The following GCC2 variants were observed in gnomAD, a reference collection of about 807,000 sequenced individuals.
GCC2 encodes the protein GRIP and coiled-coil domain-containing protein 2.
A neutral mutation model predicts 210.6 loss-of-function variants in GCC2; 120 were observed. That is an observed-to-expected ratio of 0.57 (90% CI 0.49 to 0.66). The LOEUF is 0.66. Among genes scored for constraint, GCC2 ranks in the 30% least tolerant of loss-of-function variants. The pLI is 0.00. For synonymous variants in GCC2, 703 were observed against 652.7 expected, an observed-to-expected ratio of 1.08 and a Z score of -1.17; for missense variants, 1,868 against 1,871.9, an observed-to-expected ratio of 1.00 and a Z score of 0.04.
At chr2:108,501,077 C>T (rs1682902998) in intron 22 of GCC2, among the ~76,000 whole-genome samples, 1 of 151,996 alleles carries the variant, frequency 6.6e-6, no homozygotes, top group Admixed American at 6.5e-5. Context: ...CTCACTGCAA[C>T]CTCCGCCTCC....
rs1681183030 is a variant in GCC2, at chr2:108,470,996, A to C, written c.1667A>C (p.Glu556Ala). The change falls in exon 6 of 23, where the codon GAA (glutamate) becomes GCA (alanine). Residue 556 changes from glutamate to alanine, a missense_variant. Physicochemically the swap from Glu to Ala is moderately radical, Grantham distance 107. Transcript: ENST00000309863. ...KLLSQQELVP[E>A]LENTIKNLQE... ...CTATCTCAACAAGAATTGGTACCAG[A>C]ACTTGAAAATACCATAAAGAACCTT... The C allele has an allele frequency of 6.2e-7, 1 of 1,613,286 alleles. No homozygotes were observed. Among genetic ancestry groups the C allele is most frequent in the South Asian group, 1.1e-5 (1 of 91,022 alleles).
chr2:108,472,337 T>C (rs1013537783), intron 6 of GCC2, among the ~76,000 whole-genome samples: 2 of 152,152 alleles, frequency 1.3e-5, no homozygotes, highest in Non-Finnish European at 2.9e-5. Context: ...CTTGAGTTTA[T>C]AGAAGATTAA....
At chr2:108,456,321 T>A (rs981913418) in intron 4 of GCC2, among the ~76,000 whole-genome samples, 3 of 152,164 alleles carry the variant, frequency 2.0e-5, no homozygotes, top group African/African-American at 7.2e-5. Context: ...GTGACTATGC[T>A]TACCTACACT....
chr2:108,473,200 G>A (rs1173652629), intron 7 of GCC2: 3 of 258,516 alleles, frequency 1.2e-5, no homozygotes, highest in African/African-American at 2.3e-5. Flanking sequence ...TCTAGACCCT[G>A]GTGATAGAAA....
chr2:108,449,990 A>G (rs1412298206), intron 2 of GCC2: 2 of 325,954 alleles, frequency 6.1e-6, no homozygotes, highest in South Asian at 5.0e-5. Flanking sequence ...GAGCAGTGAC[A>G]TAGGGTAGGA....
At chr2:108,486,342 T>G (rs1179725729) in intron 15 of GCC2, 169 bp from the exon 16 acceptor site, 7 of 672,356 alleles carry the variant, frequency 1.0e-5, no homozygotes, top group Non-Finnish European at 1.8e-5. Flanking sequence ...ACTTAGAAAA[T>G]GTTCTACTTG....
intron 4 of GCC2, among the ~76,000 whole-genome samples, chr2:108,467,623 T>G (rs1680973430): frequency 6.6e-6 from 1 of 152,086 alleles, no homozygotes; most frequent in Non-Finnish European, 1.5e-5. Flanking sequence ...AAGCTTTATT[T>G]TACAGGCTAG....
At chr2:108,501,089 A>G (rs373675294) in intron 22 of GCC2, among the ~76,000 whole-genome samples, 176 of 151,950 alleles carry the variant, frequency 1.2e-3, no homozygotes, top group African/African-American at 1.5e-3. Flanking sequence ...TCCGCCTCCC[A>G]GATTCAAGCG....
chr2:108,483,356 C>T (rs1027638556), intron 12 of GCC2, among the ~76,000 whole-genome samples, 190 bp downstream of exon 12: 5 of 151,830 alleles, frequency 3.3e-5, no homozygotes, highest in African/African-American at 1.2e-4. Flanking sequence ...TCCAAGTAGC[C>T]GAGATTCCAC....
intron 22 of GCC2, among the ~76,000 whole-genome samples, chr2:108,501,608 C>G (rs1367776180): frequency 2.6e-5 from 4 of 151,718 alleles, no homozygotes; most frequent in Admixed American, 6.6e-5. Context: ...CCCTGTAAAC[C>G]CTAATAACTA....
chr2:108,491,557 A>G (rs957574593), intron 18 of GCC2, among the ~76,000 whole-genome samples: 1 of 152,106 alleles, frequency 6.6e-6, no homozygotes, highest in Non-Finnish European at 1.5e-5. Flanking sequence ...GAAACCTTGT[A>G]TGGTGCGCAT....
chr2:108,493,710 T>C (rs1427448497), intron 19 of GCC2: 2 of 985,444 alleles, frequency 2.0e-6, no homozygotes, highest in African/African-American at 3.5e-5. Flanking sequence ...ATATTGTCAC[T>C]GGAGCATTAG....
At chr2:108,480,495 C>T (rs1328757387) in intron 9 of GCC2, among the ~76,000 whole-genome samples, 1 of 152,150 alleles carries the variant, frequency 6.6e-6, no homozygotes, top group Middle Eastern at 3.2e-3. Flanking sequence ...GACGTGGAAT[C>T]AACCGAAAGG....
At chr2:108,467,301 T>C (rs1680953168) in intron 4 of GCC2, among the ~76,000 whole-genome samples, 1 of 152,234 alleles carries the variant, frequency 6.6e-6, no homozygotes, top group African/African-American at 2.4e-5. Context: ...TTTGTAATTA[T>C]ATTTTCTAAA....
At chr2:108,498,085 A>G (rs1397325913) in intron 21 of GCC2, among the ~76,000 whole-genome samples, 1 of 151,972 alleles carries the variant, frequency 6.6e-6, no homozygotes. Flanking sequence ...ATGCATCTCT[A>G]TAAAATAACA....
intron 9 of GCC2, among the ~76,000 whole-genome samples, chr2:108,476,246 G>C (rs1039494386): frequency 6.6e-6 from 1 of 151,820 alleles, no homozygotes; most frequent in African/African-American, 2.4e-5. Context: ...TTTTAGTAGA[G>C]ACGGGGTTTC....
chr2:108,466,961 C>T (rs1680927224), intron 4 of GCC2, among the ~76,000 whole-genome samples: 1 of 152,094 alleles, frequency 6.6e-6, no homozygotes, highest in Admixed American at 6.5e-5. Context: ...TTTGTCTGAA[C>T]TTGTTTTCTA....
At chr2:108,449,568 T>A (rs1020101348) in intron 1 of GCC2, 65 bp from the exon 2 acceptor site, 147 of 1,466,022 alleles carry the variant, frequency 1.0e-4, no homozygotes, top group Non-Finnish European at 1.3e-4. Flanking sequence ...GTAAGGGTTC[T>A]ACGCGTTCCG....
chr2:108,483,287 G>GCA, intron 12 of GCC2, 121 bp downstream of exon 12: 3 of 581,556 alleles, frequency 5.2e-6, no homozygotes, highest in Non-Finnish European at 9.2e-6. Flanking sequence ...GCAGTGGCAT[G>GCA]ATCTCGGCTC....
Sources: gnomAD v4.1 joint callset for allele counts (sites outside exome capture counted in the v4.1 genomes callset) on GRCh38, gnomAD v4.1.1 for gene constraint, MANE v1.5 for transcripts, NCBI Gene and HGNC (gene_info 2026-07-23, HGNC 2026-07-21) for gene names.